Variants in ACTN2 observed in about 807,000 individuals in gnomAD.
ACTN2 encodes the protein alpha-actinin-2.
A neutral mutation model predicts 113.8 loss-of-function variants in ACTN2; 39 were observed. The ratio of observed to expected loss-of-function variants is 0.34; its 90% confidence interval spans 0.27 to 0.45. The LOEUF is 0.45. Among genes scored for constraint, ACTN2 ranks in the 20% least tolerant of loss-of-function variants. The probability of loss-of-function intolerance (pLI) is 1.00; values close to 1 mark genes in which losing one functional copy is unlikely to be tolerated. For synonymous variants in ACTN2, 429 were observed against 444.1 expected (o/e 0.97, Z 0.43); for missense variants, 992 against 1,177.9 (o/e 0.84, Z 2.31).
intron 7 of ACTN2, among the ~76,000 whole-genome samples, chr1:236,732,798 T>C (rs1395172602): frequency 6.6e-6 from 1 of 152,174 alleles, no homozygotes; most frequent in Non-Finnish European, 1.5e-5. Flanking sequence ...CCCATCCTAC[T>C]CCAGCATGAC....
chr1:236,724,892 T>C (rs1326026839), intron 4 of ACTN2, among the ~76,000 whole-genome samples: 1 of 149,750 alleles, frequency 6.7e-6, no homozygotes, highest in Non-Finnish European at 1.5e-5. Flanking sequence ...ACTTGAAATT[T>C]ACCAATAAAA....
rs920950648 is a variant in ACTN2 at position 236,735,572 on chromosome 1, T to C, written c.698-63T>C. 5.6e-6 allele frequency: 8 copies of C among 1,416,192 alleles called. No individual in the cohort carries two copies. The African/African-American group carries it at 1.1e-4, about 20-fold the overall frequency. The allele number at this position is 1,416,192 out of a possible 1,614,324, so 87.7% of individuals were successfully genotyped here. A position where few individuals can be genotyped will look rare whatever the true frequency, so the allele number is the denominator to read the frequency against. ...CCTCTGTTCTCCCTGGTTTCTCTCCTTCGTCTGTATGTGTGTGGTGTGTGT... is the reference window on the plus strand; with the variant it reads ...CCTCTGTTCTCCCTGGTTTCTCTCCCTCGTCTGTATGTGTGTGGTGTGTGT... On this transcript the variant is annotated intron_variant, in intron 7 of 20. Transcript: ENST00000366578.
chr1:236,721,015 G>GGTTGTTTTT, intron 4 of ACTN2, among the ~76,000 whole-genome samples: 1 of 49,138 alleles, frequency 2.0e-5, no homozygotes, highest in Non-Finnish European at 3.4e-5. Flanking sequence ...TCTGGTTTTT[G>GGTTGTTTTT]TTTTTTGTTT....
chr1:236,764,241 A>G lies in ACTN2; in HGVS notation c.*1622A>G, dbSNP rs535492106. ...GTTTCCAGATTCCTGAAATATTTGA[A>G]TCCTTGAGTTTAATGCCAAACACTT... On this transcript the variant is annotated 3_prime_UTR_variant, in exon 21 of 21. Coordinates refer to ENST00000366578, the MANE Select transcript of ACTN2 (RefSeq NM_001103.4). 3.9e-5 allele frequency: 6 copies of G among 152,268 alleles called. No homozygotes were observed. The South Asian group carries it at 1.2e-3, about 32-fold the overall frequency. 9.4% of individuals were successfully genotyped at this position (152,268 alleles called of 1,614,324 possible).
chr1:236,703,733 A>G (rs1232343774), intron 1 of ACTN2, among the ~76,000 whole-genome samples: 1 of 151,834 alleles, frequency 6.6e-6, no homozygotes, highest in Admixed American at 6.6e-5. Context: ...ATGTAGAGCT[A>G]GATTGAATTG....
chr1:236,710,722 TA>T (rs1207722408), intron 1 of ACTN2, among the ~76,000 whole-genome samples: 2 of 152,186 alleles, frequency 1.3e-5, no homozygotes, highest in African/African-American at 4.8e-5. Context: ...TTGCCCGAAT[TA>T]CCACCTGAAC....
intron 9 of ACTN2, 103 bp downstream of exon 9, chr1:236,737,317 A>ATATTTTTT: frequency 3.5e-6 from 1 of 288,956 alleles, no homozygotes; most frequent in Non-Finnish European, 7.1e-6. Flanking sequence ...ATATATATAT[A>ATATTTTTT]TTTTGCATTT....
intron 5 of ACTN2, among the ~76,000 whole-genome samples, chr1:236,726,531 G>A (rs895493948): frequency 1.3e-5 from 2 of 152,174 alleles, no homozygotes; most frequent in African/African-American, 4.8e-5. Flanking sequence ...TCGACATCAG[G>A]GGAGAGCATG....
At chr1:236,709,987 G>T (rs1191096539) in intron 1 of ACTN2, among the ~76,000 whole-genome samples, 7 of 152,182 alleles carry the variant, frequency 4.6e-5, no homozygotes, top group Non-Finnish European at 4.4e-5. Flanking sequence ...GAATGATGAA[G>T]GTTGAACAGA....
At chr1:236,712,812 C>A (rs1658069806) in intron 1 of ACTN2, among the ~76,000 whole-genome samples, 1 of 152,078 alleles carries the variant, frequency 6.6e-6, no homozygotes, top group Non-Finnish European at 1.5e-5. Context: ...AAATAACAGA[C>A]AAAGTATGAT....
At chr1:236,695,563 T>TCCCCCCCCCCC (rs71559972) in intron 1 of ACTN2, among the ~76,000 whole-genome samples, 26 of 100,778 alleles carry the variant, frequency 2.6e-4, no homozygotes, top group Admixed American at 3.3e-4. Flanking sequence ...TGAAATGAGT[T>TCCCCCCCCCCC]CCCCCCCCCT....
intron 1 of ACTN2, among the ~76,000 whole-genome samples, chr1:236,703,498 ATAATT>A (rs1485781263): frequency 1.5e-5 from 2 of 137,538 alleles, no homozygotes; most frequent in African/African-American, 2.8e-5. Flanking sequence ...GATTCTAAAG[ATAATT>A]TGATTTGGTT....
At chr1:236,750,715 T>C (rs1659368653) in intron 14 of ACTN2, among the ~76,000 whole-genome samples, 1 of 152,172 alleles carries the variant, frequency 6.6e-6, no homozygotes, top group African/African-American at 2.4e-5. Flanking sequence ...AGGGATGTAC[T>C]TCCTGGTTTT....
At chr1:236,737,297 G>GTATATATATATATATATAGA in intron 9 of ACTN2, 83 bp downstream of exon 9, 1 of 318,344 alleles carries the variant, frequency 3.1e-6, no homozygotes, top group Non-Finnish European at 6.4e-6. Flanking sequence ...CTCCGTGGGG[G>GTATATATATATATATATAGA]CATATATATA....
chr1:236,721,572 T>C (rs1429230808), intron 4 of ACTN2, among the ~76,000 whole-genome samples: 1 of 152,236 alleles, frequency 6.6e-6, no homozygotes, highest in Admixed American at 6.5e-5. Context: ...CTTTGAAAAC[T>C]TTTGTACAAT....
In ACTN2 at chr1:236,735,714, G is replaced by A. The variant is rs764583678; in HGVS notation, c.777G>A (p.Ala259=). 5.3e-5 allele frequency: 85 copies of A among 1,613,944 alleles called. No individual in the cohort carries two copies. The highest frequency in any genetic ancestry group is 6.2e-5 in the Non-Finnish European group (73 of 1,179,966). The change falls in exon 8 of 21, where the codon GCG becomes GCA. Residue 259 remains alanine (A), a synonymous_variant. Transcript: ENST00000366578. ...VSCFYHAFAG[A]EQAETAANRI... ...GCTTCTACCACGCTTTTGCGGGCGC[G>A]GAGCAGGTACTCAACACTTGTCCGT... is the stretch of plus-strand genomic sequence containing the variant.
chr1:236,705,414 CT>C (rs1277652919), intron 1 of ACTN2, among the ~76,000 whole-genome samples: 1 of 152,164 alleles, frequency 6.6e-6, no homozygotes. Flanking sequence ...AATGAGGAAA[CT>C]GGTAAGCCGT....
Position 236,754,105 on chromosome 1 carries a change from C to T in ACTN2, c.1974+24C>T, listed in dbSNP as rs1659482129. The T allele has an allele frequency of 2.5e-6, 4 of 1,612,884 alleles. No individual in the cohort carries two copies. Among genetic ancestry groups the T allele is most frequent in the South Asian group, 2.2e-5 (2 of 91,086 alleles). On this transcript the variant is annotated intron_variant, in intron 16 of 20. Coordinates refer to ENST00000366578, the MANE Select transcript of ACTN2 (RefSeq NM_001103.4). This position sits in a 1 kb window ranked among gnomAD's most constrained non-coding sequence, Gnocchi z 4.9. ...AGGTAAGCCAGCGCCCTCCCAGGCGCTGTTCACAAGCCTTGCGATAAGTCC... is the reference window on the plus strand; with the variant it reads ...AGGTAAGCCAGCGCCCTCCCAGGCGTTGTTCACAAGCCTTGCGATAAGTCC...
intron 10 of ACTN2, among the ~76,000 whole-genome samples, chr1:236,740,889 T>G (rs888463765): frequency 6.6e-6 from 1 of 152,118 alleles, no homozygotes; most frequent in Non-Finnish European, 1.5e-5. Flanking sequence ...GCCCTCCTGT[T>G]TCTTCCTCCT....
Sources: allele counts gnomAD v4.1 joint callset (sites outside exome capture counted in the v4.1 genomes callset), GRCh38; gene constraint gnomAD v4.1.1; non-coding constraint Gnocchi (gnomAD v3.1); transcripts MANE v1.5; gene names NCBI Gene and HGNC (gene_info 2026-07-23, HGNC 2026-07-21).